ACSL3: variants seen among roughly 807,000 people sequenced by gnomAD.
ACSL3 encodes the protein acyl-CoA synthetase long chain family member 3.
ACSL3 carries 34 observed loss-of-function variants against 84.7 expected under a neutral mutation model. The observed-to-expected ratio is 0.40, with a 90% confidence interval of 0.31 to 0.53. The LOEUF (loss-of-function observed/expected upper bound fraction) is 0.53. Ranked by LOEUF, ACSL3 falls within the 20% of genes least tolerant of loss-of-function variation. The probability of loss-of-function intolerance (pLI) is 0.48; values close to 1 mark genes in which losing one functional copy is unlikely to be tolerated. For synonymous variants in ACSL3, 315 were observed against 299.4 expected (o/e 1.05, Z -0.54); for missense variants, 680 against 873.1 (o/e 0.78, Z 2.79).
At chr2:222,906,688 C>A (rs936804523) in intron 3 of ACSL3, among the ~76,000 whole-genome samples, 2 of 151,462 alleles carry the variant, frequency 1.3e-5, no homozygotes, top group African/African-American at 4.9e-5. Flanking sequence ...TATCTCTGCT[C>A]ACTGCAATCT....
intron 1 of ACSL3, among the ~76,000 whole-genome samples, chr2:222,875,678 C>A (rs1031297116): frequency 5.9e-5 from 9 of 152,160 alleles, no homozygotes; most frequent in Admixed American, 5.9e-4. Context: ...GAAATGATCA[C>A]ATCTATGAAC....
At chr2:222,882,724 A>G (rs905223120) in intron 1 of ACSL3, among the ~76,000 whole-genome samples, 2 of 148,804 alleles carry the variant, frequency 1.3e-5, no homozygotes, top group Non-Finnish European at 3.0e-5. Flanking sequence ...AAGGGTGACC[A>G]TATATCCTGA....
intron 11 of ACSL3, among the ~76,000 whole-genome samples, chr2:222,926,378 C>T (rs762230190): frequency 1.4e-4 from 21 of 151,808 alleles, no homozygotes; most frequent in Non-Finnish European, 2.2e-4. Context: ...AAATTGTCAC[C>T]GTGTAGTCTT....
At chr2:222,862,930 A>G (rs542161778) in intron 1 of ACSL3, among the ~76,000 whole-genome samples, 1 of 152,322 alleles carries the variant, frequency 6.6e-6, no homozygotes, top group Non-Finnish European at 1.5e-5. Context: ...ACAAATTATA[A>G]GGGGAAAATC....
At chr2:222,900,527 GTATT>G (rs949881578) in intron 2 of ACSL3, 143 bp from the exon 3 acceptor site, 1 of 151,984 alleles carries the variant, frequency 6.6e-6, no homozygotes, top group African/African-American at 2.4e-5. Context: ...TTTCAAGACT[GTATT>G]TATTTTCTTT....
At chr2:222,911,083 C>T (rs140764954) in intron 4 of ACSL3, among the ~76,000 whole-genome samples, 2,675 of 143,290 alleles carry the variant, frequency 0.019, 65 homozygotes, top group African/African-American at 0.057. Context: ...GAGTTTCACT[C>T]TTGTTGCCCA....
intron 7 of ACSL3, chr2:222,920,828 C>T: frequency 2.7e-6 from 1 of 374,012 alleles, no homozygotes; most frequent in Non-Finnish European, 5.4e-6. Context: ...TCTGTTCCAG[C>T]CACACTCCTT....
In ACSL3 at chr2:222,919,051, G is replaced by C; in HGVS notation, c.667-13G>C. On this transcript the variant is annotated splice_polypyrimidine_tract_variant and intron_variant, in intron 6 of 16. Transcript: ENST00000357430. Reference sequence around the variant, plus strand: ...AAAAATAATGAACGTGATGAATGTTGGTGTATTTCTAGGATATAGTTTCTT... The same window carrying C: ...AAAAATAATGAACGTGATGAATGTTCGTGTATTTCTAGGATATAGTTTCTT... 1 of 1,611,778 alleles carries C rather than the reference G, an allele frequency of 6.2e-7. No individual in the cohort carries two copies.
intron 8 of ACSL3, among the ~76,000 whole-genome samples, 195 bp from the exon 9 acceptor site, chr2:222,922,513 C>A (rs927584937): frequency 3.3e-5 from 5 of 151,758 alleles, no homozygotes; most frequent in African/African-American, 1.2e-4. Flanking sequence ...AATTCTTTTT[C>A]CCTCCCATCC....
At chr2:222,866,366 T>C (rs377587802) in intron 1 of ACSL3, among the ~76,000 whole-genome samples, 2,022 of 152,286 alleles carry the variant, frequency 0.013, 16 homozygotes, top group Non-Finnish European at 0.02. Flanking sequence ...AGGATGGTCT[T>C]GATCTTCTGA....
At chr2:222,906,000 C>T (rs1169487530) in intron 3 of ACSL3, among the ~76,000 whole-genome samples, 2 of 152,046 alleles carry the variant, frequency 1.3e-5, no homozygotes, top group East Asian at 1.9e-4. Flanking sequence ...CCTGCTTTTC[C>T]CTTCTTTCTG....
chr2:222,896,862 TG>T (rs1217292740), intron 2 of ACSL3, among the ~76,000 whole-genome samples: 1 of 14,338 alleles, frequency 7.0e-5, no homozygotes. Flanking sequence ...ACGGGGCGGC[TG>T]GCCGGGCGGG....
chr2:222,925,058 T>C (rs1574560623), intron 11 of ACSL3, among the ~76,000 whole-genome samples: 1 of 149,112 alleles, frequency 6.7e-6, no homozygotes, highest in Admixed American at 6.7e-5. Flanking sequence ...CCATCCTGGC[T>C]GAACACGGTG....
At chr2:222,932,025 A>G (rs761919312) in intron 14 of ACSL3, among the ~76,000 whole-genome samples, 50 of 152,124 alleles carry the variant, frequency 3.3e-4, no homozygotes, top group Non-Finnish European at 6.5e-4. Context: ...ACAGAGTGAG[A>G]CCCTGTCTCA....
At chr2:222,875,113 A>T (rs943465917) in intron 1 of ACSL3, among the ~76,000 whole-genome samples, 3 of 152,316 alleles carry the variant, frequency 2.0e-5, no homozygotes, top group South Asian at 2.1e-4. Context: ...GATAATATAT[A>T]CAAAGTGATC....
chr2:222,931,165 G>T (rs530879034), intron 14 of ACSL3, among the ~76,000 whole-genome samples: 1 of 152,202 alleles, frequency 6.6e-6, no homozygotes, highest in Non-Finnish European at 1.5e-5. Context: ...GGAAAGCCAG[G>T]CAGCTCAAGT....
At chr2:222,918,013 G>A (rs1354844014) in intron 5 of ACSL3, 33 bp from the exon 6 acceptor site, 9 of 1,469,792 alleles carry the variant, frequency 6.1e-6, no homozygotes, top group Non-Finnish European at 8.5e-6. Flanking sequence ...TTAAATGTTT[G>A]AATATTTGAC....
At chr2:222,940,457 G>A (rs1192810392) in intron 16 of ACSL3, among the ~76,000 whole-genome samples, 1 of 150,708 alleles carries the variant, frequency 6.6e-6, no homozygotes, top group Non-Finnish European at 1.5e-5. Flanking sequence ...AGTTTATGCA[G>A]CCTGTGCTGG....
At chr2:222,936,692 T>C (rs1437211867) in intron 16 of ACSL3, among the ~76,000 whole-genome samples, 2 of 142,928 alleles carry the variant, frequency 1.4e-5, no homozygotes, top group Non-Finnish European at 3.0e-5. Flanking sequence ...CACACTGCTA[T>C]AAAGACATAC....
Sources: allele counts gnomAD v4.1 joint callset (sites outside exome capture counted in the v4.1 genomes callset), GRCh38; gene constraint gnomAD v4.1.1; transcripts MANE v1.5; gene names NCBI Gene and HGNC (gene_info 2026-07-23, HGNC 2026-07-21).